Variants in ZNF839 observed in about 807,000 individuals in gnomAD.
ZNF839 encodes zinc finger protein 839.
Under a neutral mutation model 56.4 loss-of-function variants are expected in ZNF839, and 38 were observed. The observed-to-expected ratio is 0.67, with a 90% CI of 0.52 to 0.88. ZNF839 has a LOEUF of 0.88. ZNF839 is among the 40% of genes least tolerant of loss of function. The pLI is 0.00. For missense variants in ZNF839, 1,091 were observed against 1,177.6 expected, an observed-to-expected ratio of 0.93 and a Z score of 1.08; for synonymous variants, 486 against 493.5, an observed-to-expected ratio of 0.98 and a Z score of 0.20.
chr14:102,327,474 AACTC>A (rs1317037863), intron 2 of ZNF839, among the ~76,000 whole-genome samples: 40 of 152,184 alleles, frequency 2.6e-4, no homozygotes, highest in East Asian at 1.7e-3. Flanking sequence ...ATATCATGAG[AACTC>A]ACTCACTGTC....
Position 102,331,614 on chromosome 14 carries a change from C to T in ZNF839, c.1192-8C>T. On this transcript the variant is annotated splice_polypyrimidine_tract_variant and splice_region_variant and intron_variant, in intron 2 of 7. Transcript: ENST00000442396. ...TTATTTTACTTTTGGGTGTGCAACA[C>T]TGTCTAGAATGGTCAGTCTGTAGAC... The T allele has an allele frequency of 6.2e-7, 1 of 1,605,076 alleles. No homozygotes were observed. The highest frequency in any genetic ancestry group is 8.5e-7 in the Non-Finnish European group (1 of 1,175,350).
At position 102,319,937 on chromosome 14, in the gene ZNF839, C is replaced by T. The variant is rs1251720215; in HGVS notation, c.172C>T (p.Pro58Ser). The T allele has an allele frequency of 8.3e-7, 1 of 1,207,762 alleles. No individual in the cohort carries two copies. The highest frequency in any genetic ancestry group is 1.0e-6 in the Non-Finnish European group (1 of 968,712). 74.8% of individuals were successfully genotyped at this position (1,207,762 alleles called of 1,614,324 possible). A position where few individuals can be genotyped will look rare whatever the true frequency, so the allele number is the denominator to read the frequency against. The change falls in exon 1 of 8, where the codon CCC becomes TCC. Residue 58 changes from proline (P) to serine (S), a missense_variant. Transcript: ENST00000442396. The surrounding 1 kb of genome is among the most constrained non-coding windows in gnomAD (Gnocchi z 4.5). Reference sequence around the variant, plus strand: ...GAAGGCGCAGCCGCCGCCGCCGCCGCCCCCCTTCGTGCTGCGGGACGCGGC... The same window carrying T: ...GAAGGCGCAGCCGCCGCCGCCGCCGTCCCCCTTCGTGCTGCGGGACGCGGC... ...VTKAQPPPPP[P>S]PFVLRDAARR...
At chr14:102,328,406 A>ATATATATATG (rs2073579245) in intron 2 of ZNF839, among the ~76,000 whole-genome samples, 1 of 112,878 alleles carries the variant, frequency 8.9e-6, no homozygotes, top group Non-Finnish European at 1.8e-5. Context: ...ATATATATAT[A>ATATATATATG]TATATGTATA....
intron 1 of ZNF839, among the ~76,000 whole-genome samples, chr14:102,323,315 A>G (rs1224197337): frequency 6.6e-6 from 1 of 152,162 alleles, no homozygotes; most frequent in Non-Finnish European, 1.5e-5. Context: ...TTATGTTCTG[A>G]AATGTTGGTT....
At chr14:102,336,706 A>G in intron 5 of ZNF839, 1 of 387,194 alleles carries the variant, frequency 2.6e-6, no homozygotes, top group East Asian at 8.3e-5. Context: ...TGATGATCAG[A>G]GTTAAAACCT....
chr14:102,341,179 A>C (rs1250341459), intron 7 of ZNF839, 144 bp from the exon 8 acceptor site: 2 of 925,688 alleles, frequency 2.2e-6, no homozygotes, highest in South Asian at 7.8e-5. Context: ...TAAAATTGCT[A>C]CCAATCCCAA....
At chr14:102,320,317 CTGCTGGGGGCTTTTGCG>C (rs1198120216) in intron 1 of ZNF839, among the ~76,000 whole-genome samples, 1 of 152,232 alleles carries the variant, frequency 6.6e-6, no homozygotes. Flanking sequence ...CTTCACAGCC[CTGCTGGGGGCTTTTGCG>C]TGCTCCCTAG....
At chr14:102,328,773 G>A (rs572801749) in intron 2 of ZNF839, among the ~76,000 whole-genome samples, 52 of 152,036 alleles carry the variant, frequency 3.4e-4, no homozygotes, top group Admixed American at 1.6e-3. Context: ...CACTTTGCAC[G>A]ATATCCAAGG....
At position 102,342,123 on chromosome 14, in the gene ZNF839, G is replaced by A. The variant is rs1281791527; in HGVS notation, c.2728G>A (p.Glu910Lys). 3 of 1,613,932 alleles carry A rather than the reference G, an allele frequency of 1.9e-6. No individual in the cohort carries two copies. Among genetic ancestry groups the A allele is most frequent in the Admixed American group, 1.7e-5 (1 of 60,020 alleles). The part of the protein sequence containing the change: ...SPPGTIVSQE[E>K]DIVTVTDAEG... ...TCCAGGTACAATAGTGTCTCAGGAGGAGGACATTGTCACAGTGACTGATGC... is the reference window on the plus strand; with the variant it reads ...TCCAGGTACAATAGTGTCTCAGGAGAAGGACATTGTCACAGTGACTGATGC... Residue 910 changes from glutamate to lysine, a missense_variant, in exon 8 of 8, where the codon GAG becomes AAG. Coordinates refer to ENST00000442396, the MANE Select transcript of ZNF839 (RefSeq NM_018335.6).
At chr14:102,339,670 C>T in intron 7 of ZNF839, among the ~76,000 whole-genome samples, 1 of 151,914 alleles carries the variant, frequency 6.6e-6, no homozygotes, top group Non-Finnish European at 1.5e-5. Context: ...ATTGCTTGAA[C>T]CTGGGAGGCA....
chr14:102,326,316 C>T lies in ZNF839; in HGVS notation c.620C>T (p.Thr207Ile), dbSNP rs764435379. The T allele has an allele frequency of 4.3e-6, 7 of 1,611,836 alleles. No homozygotes were observed. The Admixed American group carries it at 1.0e-4, about 23-fold the overall frequency. ...KAPDEQGSMLTPLSASDPLAV... is the reference protein window; with the variant it reads ...KAPDEQGSMLIPLSASDPLAV... ...CCAGATGAACAGGGCTCCATGTTGA[C>T]CCCTTTGTCTGCCTCTGACCCGCTG... Residue 207 changes from threonine to isoleucine, a missense_variant, in exon 2 of 8, where the codon ACC (threonine) becomes ATC (isoleucine). Physicochemically the swap from Thr to Ile is moderately conservative, Grantham distance 89 (BLOSUM62 -1). Around this residue, in one of 3 missense-constraint regions of ZNF839, gnomAD observed 614 missense variants for 629.2 expected, o/e 0.98. Coordinates refer to ENST00000442396, the MANE Select transcript of ZNF839 (RefSeq NM_018335.6). The surrounding 1 kb of genome is among the most constrained non-coding windows in gnomAD (Gnocchi z 4.3).
chr14:102,334,694 AT>A, intron 4 of ZNF839, 48 bp downstream of exon 4: 1 of 1,042,426 alleles, frequency 9.6e-7, no homozygotes, highest in Non-Finnish European at 1.4e-6. Flanking sequence ...ATTAGAAGTT[AT>A]TTAGAAATAA....
intron 1 of ZNF839, 23 bp downstream of exon 1, chr14:102,320,076 G>GAT (rs1287245416): frequency 1.7e-6 from 2 of 1,179,686 alleles, no homozygotes; most frequent in Admixed American, 9.1e-5. Flanking sequence ...GAGGGACGTG[G>GAT]GGAAACTGAG....
intron 5 of ZNF839, chr14:102,337,170 T>G (rs966869078): frequency 2.6e-5 from 4 of 152,156 alleles, no homozygotes. Context: ...TTGGATTTTT[T>G]GGGGTGTTTT....
Position 102,326,293 on chromosome 14 carries a change from A to C in ZNF839, c.597A>C (p.Pro199=), listed in dbSNP as rs546074088. Residue 199 remains proline (P), a synonymous_variant, in exon 2 of 8, where the codon CCA becomes CCC. Coordinates refer to ENST00000442396, the MANE Select transcript of ZNF839 (RefSeq NM_018335.6). The surrounding 1 kb of genome is among the most constrained non-coding windows in gnomAD (Gnocchi z 4.3). The part of the protein sequence containing the change: ...PAKRVPAPKA[P]DEQGSMLTPL... ...AGAGAGTCCCAGCCCCCAAGGCTCC[A>C]GATGAACAGGGCTCCATGTTGACCC... 2.4e-5 allele frequency: 39 copies of C among 1,613,456 alleles called. No individual in the cohort carries two copies. In the South Asian group the frequency reaches 3.5e-4, roughly 15 times the overall value.
At chr14:102,328,375 AATATATATATATAT>A (rs71116898) in intron 2 of ZNF839, among the ~76,000 whole-genome samples, 92 of 16,342 alleles carry the variant, frequency 5.6e-3, no homozygotes, top group East Asian at 0.012. Flanking sequence ...AAAAAAAAAA[AATATATATATATAT>A]ATATATATAT....
At position 102,342,106 on chromosome 14, in the gene ZNF839, CAAT is replaced by C; in HGVS notation, c.2713_2715del (p.Ile905del). 1.2e-6 allele frequency: 2 copies of C among 1,613,958 alleles called. No individual in the cohort carries two copies. Among genetic ancestry groups the C allele is most frequent in the South Asian group, 2.2e-5 (2 of 91,080 alleles). The stretch of plus-strand genomic sequence containing the variant: ...GGGCTTATCTTGTCCCCTCCAGGTA[CAAT>C]AGTGTCTCAGGAGGAGGACATTGTC... On this transcript the variant is annotated inframe_deletion, in exon 8 of 8. Transcript: ENST00000442396.
chr14:102,327,464 A>G (rs751881072), intron 2 of ZNF839, among the ~76,000 whole-genome samples: 3 of 152,028 alleles, frequency 2.0e-5, no homozygotes, highest in Non-Finnish European at 4.4e-5. Context: ...AAACAACCAG[A>G]TATCATGAGA....
chr14:102,323,432 C>G (rs965582596), intron 1 of ZNF839, among the ~76,000 whole-genome samples: 1 of 152,220 alleles, frequency 6.6e-6, no homozygotes, highest in Non-Finnish European at 1.5e-5. Flanking sequence ...TTTGCTTCCC[C>G]GTCCTTCTCC....
Sources: gnomAD v4.1 joint callset for allele counts (sites outside exome capture counted in the v4.1 genomes callset) on GRCh38, gnomAD v4.1.1 for gene constraint, gnomAD v4.1.1 regional missense constraint, Gnocchi (gnomAD v3.1) non-coding constraint, MANE v1.5 for transcripts, NCBI Gene and HGNC (gene_info 2026-07-23, HGNC 2026-07-21) for gene names.